FOCAD: variants seen among roughly 807,000 people sequenced by gnomAD.
FOCAD encodes KIAA1797.
FOCAD carries 198 observed loss-of-function variants against 225.6 expected under a neutral mutation model. That is an observed-to-expected ratio of 0.88 (90% CI 0.78 to 0.99). The LOEUF is 0.99. FOCAD is among the 50% of genes least tolerant of loss of function. FOCAD has a pLI of 0.00. For synonymous variants in FOCAD, 897 were observed against 755.0 expected, an observed-to-expected ratio of 1.19 and a Z score of -3.08; for missense variants, 2,713 against 2,123.6, an observed-to-expected ratio of 1.28 and a Z score of -5.46.
intron 28 of FOCAD, among the ~76,000 whole-genome samples, chr9:20,941,334 A>G (rs1836641454): frequency 6.6e-6 from 1 of 152,228 alleles, no homozygotes; most frequent in Admixed American, 6.5e-5. Flanking sequence ...GCAGTCATCA[A>G]TGACCCAAGC....
chr9:20,716,441 A>C (rs1228752801), intron 2 of FOCAD, among the ~76,000 whole-genome samples: 1 of 152,100 alleles, frequency 6.6e-6, no homozygotes, highest in Non-Finnish European at 1.5e-5. Context: ...TGGGTTTTGT[A>C]TTTTAAAAAA....
intron 11 of FOCAD, among the ~76,000 whole-genome samples, chr9:20,810,231 G>A (rs1433967683): frequency 1.3e-5 from 2 of 152,010 alleles, no homozygotes; most frequent in Non-Finnish European, 2.9e-5. Context: ...GGGTTCTTTG[G>A]GAAATCTGCT....
intron 5 of FOCAD, among the ~76,000 whole-genome samples, chr9:20,744,748 A>G (rs35017288): frequency 0.31 from 47,434 of 152,094 alleles, 8,316 homozygotes; most frequent in Non-Finnish European, 0.39. Flanking sequence ...CCATGAAACA[A>G]TGGGACTTCA....
intron 1 of FOCAD, among the ~76,000 whole-genome samples, chr9:20,709,002 A>T (rs1824616377): frequency 6.6e-6 from 1 of 152,006 alleles, no homozygotes; most frequent in Non-Finnish European, 1.5e-5. Context: ...TGTGTCCTTT[A>T]TTTGAGGTTT....
chr9:20,949,737 C>A, intron 33 of FOCAD, 62 bp downstream of exon 33: 1 of 1,311,902 alleles, frequency 7.6e-7, no homozygotes, highest in South Asian at 1.2e-5. Context: ...GTCTTTTTTT[C>A]TATTACATGA....
Position 20,662,347 on chromosome 9 carries a change from A to T in FOCAD, c.-78+3521A>T, listed in dbSNP as rs569723781. Among the ~76,000 whole-genome samples the T allele has an allele frequency of 2.0e-5, 3 of 152,274 alleles. No individual in the cohort carries two copies. The South Asian group carries it at 6.2e-4, about 32-fold the overall frequency. ...AAAGCCTCCAGCTGTCAGCTCCTTT[A>T]GGGTCAGCCTCGGGGGTAAAGAGCC... On this transcript the variant is annotated intron_variant, in intron 2 of 45. Coordinates refer to the FOCAD transcript ENST00000380249.
chr9:20,796,727 A>G (rs1564001750), intron 11 of FOCAD, among the ~76,000 whole-genome samples: 1 of 152,106 alleles, frequency 6.6e-6, no homozygotes, highest in African/African-American at 2.4e-5. Context: ...CCTTTGTCAG[A>G]TGAGTAGATT....
At chr9:20,922,891 T>C (rs1483114461) in intron 24 of FOCAD, among the ~76,000 whole-genome samples, 1 of 152,214 alleles carries the variant, frequency 6.6e-6, no homozygotes, top group Non-Finnish European at 1.5e-5. Context: ...TGGAATAATA[T>C]TAAATGTACA....
At chr9:20,735,951 T>C (rs553750472) in intron 4 of FOCAD, among the ~76,000 whole-genome samples, 1 of 152,304 alleles carries the variant, frequency 6.6e-6, no homozygotes, top group African/African-American at 2.4e-5. Context: ...TGTGCAATCA[T>C]GCATTCTAAT....
intron 11 of FOCAD, among the ~76,000 whole-genome samples, chr9:20,798,602 C>G (rs1564004541): frequency 1.3e-5 from 2 of 152,054 alleles, no homozygotes; most frequent in Admixed American, 6.6e-5. Context: ...AGGAATTTAT[C>G]CATTTCTTCT....
At chr9:20,760,668 C>G (rs970354870) in intron 6 of FOCAD, among the ~76,000 whole-genome samples, 2 of 152,086 alleles carry the variant, frequency 1.3e-5, no homozygotes, top group African/African-American at 4.8e-5. Context: ...TTAGGTGTGT[C>G]TCTTGCATGG....
At chr9:20,751,266 C>T (rs974422343) in intron 5 of FOCAD, among the ~76,000 whole-genome samples, 3 of 147,726 alleles carry the variant, frequency 2.0e-5, no homozygotes, top group African/African-American at 5.0e-5. Context: ...CCCACTAACT[C>T]GTCATCTAGC....
intron 2 of FOCAD, among the ~76,000 whole-genome samples, chr9:20,674,525 T>A (rs1424062280): frequency 6.6e-6 from 1 of 152,216 alleles, no homozygotes; most frequent in Non-Finnish European, 1.5e-5. Flanking sequence ...TGACAGAGAA[T>A]GTAAGCAGAA....
chr9:20,965,816 T>G (rs1839203546), intron 35 of FOCAD, among the ~76,000 whole-genome samples: 1 of 152,188 alleles, frequency 6.6e-6, no homozygotes, highest in Non-Finnish European at 1.5e-5. Flanking sequence ...TTCTTTCACT[T>G]GGTGTAATGT....
Position 20,866,944 on chromosome 9 carries a change from A to T in FOCAD, c.2122A>T (p.Asn708Tyr). 1 of 1,373,408 alleles carries T rather than the reference A, an allele frequency of 7.3e-7. No individual in the cohort carries two copies. 85.1% of individuals were successfully genotyped at this position (1,373,408 alleles called of 1,614,324 possible). A position where few individuals can be genotyped will look rare whatever the true frequency, so the allele number is the denominator to read the frequency against. Residue 708 changes from asparagine (N) to tyrosine (Y), a missense_variant, in exon 18 of 44, where the codon AAT becomes TAT. By Grantham distance (143) the Asn-to-Tyr change is moderately radical (BLOSUM62 -2). Coordinates refer to ENST00000338382, the MANE Select transcript of FOCAD (RefSeq NM_001375567.1). ...CCCTATCTAGGACCCAATTGTAGCA[A>T]ATGCTGCATATAGATCCCTGGCCAA... Reference protein sequence around the residue: ...HTQNKDPIVANAAYRSLANFS... With the variant: ...HTQNKDPIVAYAAYRSLANFS...
intron 18 of FOCAD, among the ~76,000 whole-genome samples, chr9:20,870,140 C>T (rs1438823995): frequency 1.3e-5 from 2 of 152,088 alleles, no homozygotes; most frequent in Non-Finnish European, 2.9e-5. Context: ...AAACATTCAC[C>T]TATTTAAAAA....
intron 2 of FOCAD, among the ~76,000 whole-genome samples, chr9:20,672,030 T>G (rs1209180099): frequency 1.3e-5 from 2 of 151,838 alleles, no homozygotes; most frequent in Non-Finnish European, 2.9e-5. Context: ...AGCACACCAC[T>G]GACTGTAGCT....
At chr9:20,881,219 T>TA (rs1564106540) in intron 19 of FOCAD, among the ~76,000 whole-genome samples, 1 of 152,066 alleles carries the variant, frequency 6.6e-6, no homozygotes, top group African/African-American at 2.4e-5. Flanking sequence ...GTGGAAGGGA[T>TA]AGCAAATGCA....
At chr9:20,697,004 C>T (rs1166008980) in intron 1 of FOCAD, among the ~76,000 whole-genome samples, 1 of 152,136 alleles carries the variant, frequency 6.6e-6, no homozygotes, top group Non-Finnish European at 1.5e-5. Context: ...CGGATGTTGA[C>T]ACCTTGATAT....
Sources: gnomAD v4.1 joint callset for allele counts (sites outside exome capture counted in the v4.1 genomes callset) on GRCh38, gnomAD v4.1.1 for gene constraint, MANE v1.5 for transcripts, NCBI Gene and HGNC (gene_info 2026-07-23, HGNC 2026-07-21) for gene names.